Variants in IPCEF1 observed in about 807,000 individuals in gnomAD.
The protein encoded by IPCEF1 is interactor protein for cytohesin exchange factors 1.
IPCEF1 carries 31 observed loss-of-function variants against 50.9 expected under a neutral mutation model. That is an observed-to-expected ratio of 0.61 (90% CI 0.46 to 0.82). The LOEUF (loss-of-function observed/expected upper bound fraction) is 0.82. Among genes scored for constraint, IPCEF1 ranks in the 40% least tolerant of loss-of-function variants. The pLI, the probability that IPCEF1 is intolerant of heterozygous loss-of-function variation, is 0.00. For synonymous variants in IPCEF1, 181 were observed against 192.0 expected, an observed-to-expected ratio of 0.94 and a Z score of 0.47; for missense variants, 458 against 514.0, an observed-to-expected ratio of 0.89 and a Z score of 1.05.
At chr6:154,209,382 G>A (rs1344213984) in intron 9 of IPCEF1, among the ~76,000 whole-genome samples, 1 of 152,104 alleles carries the variant, frequency 6.6e-6, no homozygotes, top group Middle Eastern at 3.2e-3. Flanking sequence ...TGAGTGCAGT[G>A]GCTTACGCTT....
In IPCEF1 at chr6:154,335,517, G is replaced by T. The variant is rs142756286; in HGVS notation, c.-62+21155C>A. 1.6e-3 allele frequency among the ~76,000 whole-genome samples: 237 copies of T among 152,200 alleles called. 3 individuals carry two copies. Among genetic ancestry groups the T allele is most frequent in the African/African-American group, 5.4e-3 (226 of 41,536 alleles). On this transcript the variant is annotated intron_variant, in intron 1 of 11. Coordinates refer to ENST00000367220, the MANE Select transcript of IPCEF1 (RefSeq NM_001130700.2). ...TATAAGAAAATGTGCACACAGCAAA[G>T]AAAACAAACAACAGAGTGAAGATAC... is the stretch of plus-strand genomic sequence containing the variant.
At chr6:154,254,392 T>C (rs771051804) in intron 3 of IPCEF1, among the ~76,000 whole-genome samples, 1 of 152,150 alleles carries the variant, frequency 6.6e-6, no homozygotes, top group African/African-American at 2.4e-5. Context: ...ACGTCTTACA[T>C]GGCAGCAGGA....
intron 1 of IPCEF1, among the ~76,000 whole-genome samples, chr6:154,318,577 T>A (rs1025655634): frequency 1.3e-5 from 2 of 151,502 alleles, no homozygotes; most frequent in Non-Finnish European, 2.9e-5. Flanking sequence ...CTTGGCCGGG[T>A]GTGGTGGCTC....
At chr6:154,233,970 A>G (rs1437852239) in intron 5 of IPCEF1, among the ~76,000 whole-genome samples, 1 of 152,182 alleles carries the variant, frequency 6.6e-6, no homozygotes, top group African/African-American at 2.4e-5. Flanking sequence ...GCACTTTGAG[A>G]GGCCAAAGCA....
At chr6:154,181,313 G>A (rs1473297372) in intron 10 of IPCEF1, among the ~76,000 whole-genome samples, 2 of 152,078 alleles carry the variant, frequency 1.3e-5, no homozygotes, top group Non-Finnish European at 2.9e-5. Context: ...CATACATTGA[G>A]TTTTTACTAT....
At chr6:154,246,861 G>T in intron 4 of IPCEF1, 101 bp from the exon 5 acceptor site, 1 of 1,267,878 alleles carries the variant, frequency 7.9e-7, no homozygotes, top group Non-Finnish European at 1.0e-6. Flanking sequence ...ACTTTTAATT[G>T]TTAACCCCCC....
At chr6:154,352,106 C>A (rs1784129228) in intron 1 of IPCEF1, among the ~76,000 whole-genome samples, 1 of 151,390 alleles carries the variant, frequency 6.6e-6, no homozygotes, top group Non-Finnish European at 1.5e-5. Context: ...AACAAACCTG[C>A]ATATCCTGCA....
intron 1 of IPCEF1, among the ~76,000 whole-genome samples, chr6:154,331,405 A>AAGAG (rs796267175): frequency 0.012 from 1,119 of 92,880 alleles, 30 homozygotes; most frequent in African/African-American, 0.034. Context: ...GAAAGAAAGA[A>AAGAG]AGAGAGAGAA....
chr6:154,211,147 T>C (rs1406386571), intron 9 of IPCEF1, among the ~76,000 whole-genome samples: 1 of 152,152 alleles, frequency 6.6e-6, no homozygotes, highest in East Asian at 1.9e-4. Flanking sequence ...CTGGGTGCGG[T>C]GGCTCACGCT....
intron 1 of IPCEF1, among the ~76,000 whole-genome samples, chr6:154,329,764 C>G (rs139486280): frequency 6.6e-6 from 1 of 151,762 alleles, no homozygotes; most frequent in Non-Finnish European, 1.5e-5. Context: ...TCCTCGCAAA[C>G]AGCTCGGCAC....
intron 1 of IPCEF1, among the ~76,000 whole-genome samples, chr6:154,299,851 AAAAAAAGAAAAG>A (rs1303804071): frequency 7.1e-6 from 1 of 141,136 alleles, no homozygotes; most frequent in African/African-American, 2.5e-5. Context: ...TAAAATGTTT[AAAAAAAGAAAAG>A]AAAAAAGAAA....
At chr6:154,316,243 A>G (rs1335488581) in intron 1 of IPCEF1, among the ~76,000 whole-genome samples, 2 of 152,240 alleles carry the variant, frequency 1.3e-5, no homozygotes, top group Non-Finnish European at 2.9e-5. Context: ...CTCATAGGGA[A>G]GCACATTTTT....
intron 2 of IPCEF1, among the ~76,000 whole-genome samples, chr6:154,273,741 T>TGAGGCAGAGTCTCCC (rs1781966133): frequency 1.8e-5 from 1 of 56,852 alleles, no homozygotes; most frequent in Non-Finnish European, 3.4e-5. Context: ...TTTTTTTTTT[T>TGAGGCAGAGTCTCCC]TTTTTTTTTT....
chr6:154,208,982 G>A (rs1241509016), intron 9 of IPCEF1, among the ~76,000 whole-genome samples: 1 of 152,166 alleles, frequency 6.6e-6, no homozygotes, highest in East Asian at 1.9e-4. Flanking sequence ...TTCTGAAGAA[G>A]GAGGAACATA....
chr6:154,213,853 G>A (rs1029955718), intron 8 of IPCEF1, among the ~76,000 whole-genome samples: 5 of 152,138 alleles, frequency 3.3e-5, no homozygotes, highest in African/African-American at 1.2e-4. Flanking sequence ...AAAATATCAG[G>A]GAGGAAATAG....
At chr6:154,215,528 C>T (rs1156390036) in intron 7 of IPCEF1, among the ~76,000 whole-genome samples, 3 of 152,064 alleles carry the variant, frequency 2.0e-5, no homozygotes, top group African/African-American at 4.8e-5. Flanking sequence ...ATCACTTGTA[C>T]CTGGGAGGTG....
intron 10 of IPCEF1, among the ~76,000 whole-genome samples, chr6:154,190,765 T>C (rs1306788585): frequency 6.6e-6 from 1 of 152,212 alleles, no homozygotes; most frequent in Admixed American, 6.5e-5. Context: ...CAAAGATGTC[T>C]TTCAATAGGT....
intron 11 of IPCEF1, 30 bp downstream of exon 11, chr6:154,167,890 G>A: frequency 6.6e-7 from 1 of 1,515,104 alleles, no homozygotes; most frequent in Non-Finnish European, 9.0e-7. Flanking sequence ...CACATCCATA[G>A]AGTTCATCCA....
intron 1 of IPCEF1, among the ~76,000 whole-genome samples, chr6:154,344,187 C>G (rs1279085923): frequency 6.6e-6 from 1 of 152,172 alleles, no homozygotes; most frequent in Non-Finnish European, 1.5e-5. Context: ...CTGCTTCTTT[C>G]TTTCTTCTCC....
Sources: gnomAD v4.1 joint callset for allele counts (sites outside exome capture counted in the v4.1 genomes callset) on GRCh38, gnomAD v4.1.1 for gene constraint, MANE v1.5 for transcripts, NCBI Gene and HGNC (gene_info 2026-07-23, HGNC 2026-07-21) for gene names.